Variants in ESR1 observed in about 807,000 individuals in gnomAD.
ESR1 encodes the protein estrogen receptor.
Under a neutral mutation model 52.7 loss-of-function variants are expected in ESR1, and 12 were observed. That is an observed-to-expected ratio of 0.23 (90% CI 0.15 to 0.37). The LOEUF is 0.37. ESR1 is among the 10% of genes least tolerant of loss of function. ESR1 has a pLI of 1.00. For missense variants in ESR1, 584 were observed against 779.7 expected (o/e 0.75, Z 2.99); for synonymous variants, 305 against 316.8 (o/e 0.96, Z 0.39).
chr6:152,072,150 T>G (rs1376770744), intron 6 of ESR1, among the ~76,000 whole-genome samples: 1 of 152,260 alleles, frequency 6.6e-6, no homozygotes, highest in African/African-American at 2.4e-5. Flanking sequence ...GATCCTATTA[T>G]AAACATCTCC....
intron 2 of ESR1, among the ~76,000 whole-genome samples, chr6:151,755,141 T>C (rs1037756641): frequency 2.6e-5 from 4 of 151,162 alleles, no homozygotes; most frequent in Admixed American, 2.0e-4. Flanking sequence ...GCCTGAGAAG[T>C]TGATTCTGCA....
chr6:152,089,233 G>A (rs1419608035), intron 6 of ESR1, among the ~76,000 whole-genome samples: 1 of 152,134 alleles, frequency 6.6e-6, no homozygotes, highest in Non-Finnish European at 1.5e-5. Context: ...TTCTTATCAT[G>A]TTACAAATTT....
rs763306291 is a variant in ESR1, at chr6:151,944,230, A to T, written c.818A>T (p.Asp273Val). The T allele has an allele frequency of 1.2e-6, 2 of 1,614,092 alleles. No homozygotes were observed. The highest frequency in any genetic ancestry group is 1.1e-5 in the South Asian group (1 of 91,076). ...TTGAAACACAAGCGCCAGAGAGATG[A>T]TGGGGAGGGCAGGGGTGAAGTGGGG... ...RMLKHKRQRD[D>V]GEGRGEVGSA... The change falls in exon 4 of 8, where the codon GAT becomes GTT. Residue 273 changes from aspartate (D) to valine (V), a missense_variant. Transcript: ENST00000206249.
intron 1 of ESR1, among the ~76,000 whole-genome samples, chr6:151,671,182 G>C (rs1026506655): frequency 2.0e-5 from 3 of 152,162 alleles, no homozygotes; most frequent in African/African-American, 4.8e-5. Flanking sequence ...ACTTCTGGGT[G>C]TATATATTCA....
intron 5 of ESR1, among the ~76,000 whole-genome samples, chr6:152,028,765 A>G (rs574090714): frequency 1.2e-4 from 18 of 152,308 alleles, no homozygotes; most frequent in East Asian, 1.2e-3. Context: ...GCAGACTGAA[A>G]TGTCCCTGTC....
At chr6:152,017,069 A>G (rs1718731115) in intron 5 of ESR1, among the ~76,000 whole-genome samples, 1 of 152,194 alleles carries the variant, frequency 6.6e-6, no homozygotes, top group African/African-American at 2.4e-5. Context: ...TGAGGATGCT[A>G]GAACTTACCC....
chr6:151,852,772 C>T (rs536061881), intron 2 of ESR1, among the ~76,000 whole-genome samples: 1 of 151,602 alleles, frequency 6.6e-6, no homozygotes, highest in African/African-American at 2.4e-5. Context: ...AACATACATA[C>T]TGTGCAACAG....
At position 151,815,093 on chromosome 6, in the gene ESR1, G is replaced by C. The variant is rs147555339; in HGVS notation, c.452+6729G>C. On this transcript the variant is annotated intron_variant, in intron 1 of 7. Coordinates refer to ENST00000206249, the MANE Select transcript of ESR1 (RefSeq NM_000125.4). Reference sequence around the variant, plus strand: ...TTTTCAATGGTGATTTTGCGGGAGTGGGGTAACAGTTTCGAAAGCAACATT... The same window carrying C: ...TTTTCAATGGTGATTTTGCGGGAGTCGGGTAACAGTTTCGAAAGCAACATT... Among the ~76,000 whole-genome samples the C allele has an allele frequency of 3.6e-3, 546 of 152,290 alleles. 3 individuals carry two copies. The highest frequency in any genetic ancestry group is 3.7e-3 in the Non-Finnish European group (254 of 68,012).
At chr6:151,790,207 A>G (rs1273271556) in intron 2 of ESR1, among the ~76,000 whole-genome samples, 1 of 152,148 alleles carries the variant, frequency 6.6e-6, no homozygotes, top group Non-Finnish European at 1.5e-5. Flanking sequence ...CTGAACCTGC[A>G]CTGATTCTCT....
At chr6:152,082,110 T>G (rs2049275333) in intron 6 of ESR1, among the ~76,000 whole-genome samples, 1 of 152,210 alleles carries the variant, frequency 6.6e-6, no homozygotes, top group Non-Finnish European at 1.5e-5. Context: ...TAACTCATTT[T>G]ATGAGGCCAG....
At chr6:151,967,300 A>C (rs11966715) in intron 4 of ESR1, among the ~76,000 whole-genome samples, 1,664 of 152,198 alleles carry the variant, frequency 0.011, 44 homozygotes, top group African/African-American at 0.038. Flanking sequence ...CATCATTTAC[A>C]TTAGGTATTT....
chr6:151,698,879 C>T (rs1450860981), intron 1 of ESR1, among the ~76,000 whole-genome samples: 1 of 152,138 alleles, frequency 6.6e-6, no homozygotes, highest in Admixed American at 6.5e-5. Context: ...CTGCTCTTGT[C>T]CGTTTGACGG....
intron 2 of ESR1, among the ~76,000 whole-genome samples, chr6:151,769,996 C>T (rs1022045748): frequency 3.3e-5 from 5 of 150,726 alleles, no homozygotes; most frequent in African/African-American, 1.2e-4. Context: ...CCACTGCATT[C>T]CGGCCTGGGC....
chr6:151,684,646 G>T (rs79195915), intron 1 of ESR1, among the ~76,000 whole-genome samples: 1,942 of 152,284 alleles, frequency 0.013, 47 homozygotes, highest in African/African-American at 0.044. Flanking sequence ...CTCAGCCCAG[G>T]AATAAAAATA....
chr6:152,032,055 A>G (rs1019512104), intron 5 of ESR1, among the ~76,000 whole-genome samples: 21 of 152,220 alleles, frequency 1.4e-4, no homozygotes, highest in Non-Finnish European at 2.9e-4. Context: ...GATTATCTCA[A>G]TAGATGCAGA....
At chr6:151,786,156 A>G (rs1486115514) in intron 2 of ESR1, among the ~76,000 whole-genome samples, 1 of 152,144 alleles carries the variant, frequency 6.6e-6, no homozygotes, top group Non-Finnish European at 1.5e-5. Context: ...CTTTGACATA[A>G]TTTTAACATT....
intron 2 of ESR1, among the ~76,000 whole-genome samples, chr6:151,749,848 A>T (rs1465257753): frequency 1.3e-5 from 2 of 152,200 alleles, no homozygotes; most frequent in East Asian, 1.9e-4. Context: ...TGACAATCTC[A>T]TTCAGAAACA....
intron 1 of ESR1, among the ~76,000 whole-genome samples, chr6:151,816,587 T>C (rs1779688785): frequency 6.6e-6 from 1 of 152,246 alleles, no homozygotes. Flanking sequence ...GGAATGTCCC[T>C]ATATTTGTTT....
intron 1 of ESR1, among the ~76,000 whole-genome samples, chr6:151,672,325 A>AT (rs1379996524): frequency 7.1e-6 from 1 of 140,228 alleles, no homozygotes; most frequent in African/African-American, 2.7e-5. Context: ...TGCCAGGCTA[A>AT]TTTTTTTGTA....
Sources: gnomAD v4.1 joint callset for allele counts (sites outside exome capture counted in the v4.1 genomes callset) on GRCh38, gnomAD v4.1.1 for gene constraint, MANE v1.5 for transcripts, NCBI Gene and HGNC (gene_info 2026-07-23, HGNC 2026-07-21) for gene names.